The following MGAT4C variants were observed in gnomAD, a reference collection of about 807,000 sequenced individuals.
MGAT4C encodes the protein alpha-1,3-mannosyl-glycoprotein 4-beta-N-acetylglucosaminyltransferase C.
MGAT4C carries 19 observed loss-of-function variants against 40.1 expected under a neutral mutation model. The observed-to-expected ratio is 0.47, with a 90% CI of 0.33 to 0.70. The LOEUF (loss-of-function observed/expected upper bound fraction) is 0.70, where lower values mean the gene tolerates loss of function less well. Ranked by LOEUF, MGAT4C falls within the 30% of genes least tolerant of loss-of-function variation. MGAT4C has a pLI of 0.02. For synonymous variants in MGAT4C, 181 were observed against 187.1 expected (o/e 0.97, Z 0.27); for missense variants, 491 against 563.2 (o/e 0.87, Z 1.30).
chr12:86,105,276 C>A (rs924414907), intron 1 of MGAT4C, among the ~76,000 whole-genome samples: 33 of 152,004 alleles, frequency 2.2e-4, no homozygotes, highest in African/African-American at 8.0e-4. Context: ...GGGTGAAGGG[C>A]AGGGGAGTCT....
chr12:86,440,431 C>T (rs1426001094), intron 2 of MGAT4C, among the ~76,000 whole-genome samples: 2 of 151,964 alleles, frequency 1.3e-5, no homozygotes, highest in Non-Finnish European at 2.9e-5. Context: ...CCCAGCATCC[C>T]TTTATGATAA....
chr12:86,260,872 A>G (rs1952643796), upstream of MGAT4C, among the ~76,000 whole-genome samples: 1 of 151,972 alleles, frequency 6.6e-6, no homozygotes, highest in Non-Finnish European at 1.5e-5. Flanking sequence ...AATTTTTCCC[A>G]TATCCCATTA....
chr12:85,980,601 G>C (rs1007139183), intron 4 of MGAT4C, among the ~76,000 whole-genome samples, 171 bp from the exon 5 acceptor site: 14 of 151,900 alleles, frequency 9.2e-5, no homozygotes, highest in South Asian at 4.1e-4. Flanking sequence ...AATATATAAA[G>C]GCTGTAAGTG....
intron 2 of MGAT4C, among the ~76,000 whole-genome samples, chr12:86,653,519 G>GT (rs976569035): frequency 2.0e-5 from 3 of 151,882 alleles, no homozygotes; most frequent in Non-Finnish European, 4.4e-5. Flanking sequence ...TGTATAAGGA[G>GT]TTTTTTTAGC....
chr12:86,657,105 GC>G (rs2136542887), intron 2 of MGAT4C, among the ~76,000 whole-genome samples: 1 of 152,052 alleles, frequency 6.6e-6, no homozygotes, highest in South Asian at 2.1e-4. Flanking sequence ...GAATTCACTT[GC>G]CATATCTTCC....
chr12:86,453,019 T>C (rs1957453071), intron 2 of MGAT4C, among the ~76,000 whole-genome samples: 2 of 152,188 alleles, frequency 1.3e-5, no homozygotes, highest in Non-Finnish European at 2.9e-5. Flanking sequence ...TTATTGTTGC[T>C]CTTCATGAGG....
chr12:86,275,045 T>C lies in MGAT4C; in HGVS notation c.-57+59020A>G, dbSNP rs530544864. Among the ~76,000 whole-genome samples, 206 of 152,316 alleles carry C rather than the reference T, an allele frequency of 1.4e-3. 1 individual carries two copies. Among genetic ancestry groups the C allele is most frequent in the Non-Finnish European group, 7.6e-4 (52 of 68,030 alleles). On this transcript the variant is annotated intron_variant, in intron 4 of 7. Transcript: ENST00000548651. ...GGGAAACTGAAGTTGTTTCAAAAAGTAGATAAGGTTGTTCAAGGAAAACAA... is the reference window on the plus strand; with the variant it reads ...GGGAAACTGAAGTTGTTTCAAAAAGCAGATAAGGTTGTTCAAGGAAAACAA...
intron 4 of MGAT4C, among the ~76,000 whole-genome samples, chr12:86,333,414 T>G (rs1954715693): frequency 1.3e-5 from 2 of 152,190 alleles, no homozygotes; most frequent in Non-Finnish European, 2.9e-5. Flanking sequence ...GCTCTGTGCC[T>G]CTTGCTCTTT....
intron 1 of MGAT4C, among the ~76,000 whole-genome samples, chr12:86,157,593 G>A (rs558768928): frequency 6.6e-6 from 1 of 151,878 alleles, no homozygotes; most frequent in African/African-American, 2.4e-5. Flanking sequence ...CTGAGATTGG[G>A]TTATTTATAA....
chr12:86,769,311 C>A (rs1477539061), intron 1 of MGAT4C, among the ~76,000 whole-genome samples: 4 of 151,978 alleles, frequency 2.6e-5, no homozygotes, highest in Admixed American at 2.0e-4. Context: ...ATCAAAACCA[C>A]AATGAGATAC....
At chr12:86,685,115 C>G (rs1164356013) in intron 2 of MGAT4C, among the ~76,000 whole-genome samples, 1 of 152,098 alleles carries the variant, frequency 6.6e-6, no homozygotes, top group Non-Finnish European at 1.5e-5. Flanking sequence ...TTGCACATAT[C>G]TATGTCCTGA....
chr12:86,573,992 C>T (rs1326834287), intron 2 of MGAT4C, among the ~76,000 whole-genome samples: 1 of 151,792 alleles, frequency 6.6e-6, no homozygotes, highest in South Asian at 2.1e-4. Flanking sequence ...ACTTTATATA[C>T]TCTTACACAA....
At chr12:86,409,865 C>A (rs1397020227) in intron 3 of MGAT4C, among the ~76,000 whole-genome samples, 1 of 152,018 alleles carries the variant, frequency 6.6e-6, no homozygotes, top group African/African-American at 2.4e-5. Context: ...TAAGTGTTGG[C>A]CGATCTGAGA....
At chr12:86,727,691 T>C (rs567165226) in intron 1 of MGAT4C, among the ~76,000 whole-genome samples, 13 of 152,244 alleles carry the variant, frequency 8.5e-5, no homozygotes, top group African/African-American at 2.4e-4. Context: ...AAGCATGTTA[T>C]TGAAACAAAG....
At chr12:86,783,455 T>TTTTTTTTTTTTTTTTTTTTTTTTTTGAG (rs1951877904) in intron 1 of MGAT4C, among the ~76,000 whole-genome samples, 1 of 152,028 alleles carries the variant, frequency 6.6e-6, no homozygotes, top group African/African-American at 2.4e-5. Flanking sequence ...TAGAGCTTCT[T>TTTTTTTTTTTTTTTTTTTTTTTTTTGAG]ATCCATCTTC....
intron 2 of MGAT4C, among the ~76,000 whole-genome samples, chr12:86,549,787 G>A (rs540380406): frequency 7.9e-5 from 12 of 152,282 alleles, no homozygotes; most frequent in African/African-American, 1.9e-4. Context: ...AAGTGGAAAC[G>A]CACCTATGGT....
At chr12:86,443,921 T>C (rs1957285544) in intron 2 of MGAT4C, among the ~76,000 whole-genome samples, 1 of 152,128 alleles carries the variant, frequency 6.6e-6, no homozygotes, top group Admixed American at 6.5e-5. Context: ...TAACAAAGTT[T>C]TACCAAACTT....
chr12:86,586,122 C>T (rs943655930), intron 2 of MGAT4C, among the ~76,000 whole-genome samples: 11 of 125,138 alleles, frequency 8.8e-5, no homozygotes, highest in African/African-American at 3.0e-4. Context: ...CACAACAGTC[C>T]CCAGAGTGTG....
At chr12:86,239,890 G>T (rs528117558) in intron 1 of MGAT4C, among the ~76,000 whole-genome samples, 1 of 129,360 alleles carries the variant, frequency 7.7e-6, no homozygotes, top group African/African-American at 2.8e-5. Context: ...GTCGGGGGAG[G>T]GGGGAGGGAT....
Sources: allele counts gnomAD v4.1 joint callset (sites outside exome capture counted in the v4.1 genomes callset), GRCh38; gene constraint gnomAD v4.1.1; transcripts MANE v1.5; gene names NCBI Gene and HGNC (gene_info 2026-07-23, HGNC 2026-07-21).